KIAA1328: variants seen among roughly 807,000 people sequenced by gnomAD.
The protein encoded by KIAA1328 is protein hinderin.
Under a neutral mutation model 68.1 loss-of-function variants are expected in KIAA1328, and 52 were observed. That is an observed-to-expected ratio of 0.76 (90% CI 0.61 to 0.96). The LOEUF (loss-of-function observed/expected upper bound fraction) is 0.96, where lower values mean the gene tolerates loss of function less well. Ranked by LOEUF, KIAA1328 falls within the 40% of genes least tolerant of loss-of-function variation. The pLI is 0.00. For missense variants in KIAA1328, 641 were observed against 677.6 expected, an observed-to-expected ratio of 0.95 and a Z score of 0.60; for synonymous variants, 232 against 239.4, an observed-to-expected ratio of 0.97 and a Z score of 0.28.
intron 4 of KIAA1328, among the ~76,000 whole-genome samples, chr18:36,864,243 T>G (rs922229261): frequency 2.0e-5 from 3 of 152,180 alleles, no homozygotes; most frequent in African/African-American, 7.2e-5. Flanking sequence ...TAGATTACAT[T>G]GATTGATTTT....
At chr18:36,930,805 A>G (rs2050282888) in intron 5 of KIAA1328, among the ~76,000 whole-genome samples, 1 of 152,056 alleles carries the variant, frequency 6.6e-6, no homozygotes, top group Non-Finnish European at 1.5e-5. Context: ...GATAAAAGTA[A>G]TGTCCACTCA....
chr18:36,865,124 A>G (rs2047704872), intron 4 of KIAA1328, among the ~76,000 whole-genome samples: 1 of 148,516 alleles, frequency 6.7e-6, no homozygotes, highest in African/African-American at 2.5e-5. Flanking sequence ...TTTATGTCTT[A>G]TAGTAGGAAC....
At position 37,223,818 on chromosome 18, in the gene KIAA1328, T is replaced by A. The variant is rs28639668; in HGVS notation, c.*1591T>A. 0.014 allele frequency: 14,269 copies of A among 985,224 alleles called. 1,569 individuals are homozygous for A. In the African/African-American group the frequency reaches 0.23, roughly 16 times the overall value. 61.0% of individuals were successfully genotyped at this position (985,224 alleles called of 1,614,324 possible). On this transcript the variant is annotated 3_prime_UTR_variant, in exon 10 of 10. Coordinates refer to ENST00000280020, the MANE Select transcript of KIAA1328 (RefSeq NM_020776.3). ...GCTGTCACCTCCACCCAGCCTTCTT[T>A]CACTTGGGGTTTTTTATTCTTTGGA...
At chr18:36,992,753 C>A (rs1435259966) in intron 6 of KIAA1328, among the ~76,000 whole-genome samples, 1 of 152,106 alleles carries the variant, frequency 6.6e-6, no homozygotes. Context: ...GATGAATGTT[C>A]CTGGCAGAGG....
intron 5 of KIAA1328, among the ~76,000 whole-genome samples, chr18:36,900,239 G>A (rs936019336): frequency 6.6e-6 from 1 of 151,868 alleles, no homozygotes; most frequent in African/African-American, 2.4e-5. Context: ...TTACATAAAG[G>A]TTAGCCCTTC....
At chr18:37,062,730 C>G (rs949462865) in intron 6 of KIAA1328, among the ~76,000 whole-genome samples, 1 of 152,156 alleles carries the variant, frequency 6.6e-6, no homozygotes, top group African/African-American at 2.4e-5. Context: ...GCTGGGATTA[C>G]AGGCGTGAGC....
intron 6 of KIAA1328, among the ~76,000 whole-genome samples, chr18:37,026,015 C>A (rs529970811): frequency 6.6e-6 from 1 of 151,892 alleles, no homozygotes; most frequent in African/African-American, 2.4e-5. Flanking sequence ...ATCCAATAGA[C>A]GCAATAAAAA....
At chr18:36,975,445 G>C (rs1390463723) in intron 6 of KIAA1328, among the ~76,000 whole-genome samples, 1 of 152,134 alleles carries the variant, frequency 6.6e-6, no homozygotes, top group African/African-American at 2.4e-5. Flanking sequence ...GCCTCCCAAA[G>C]TGCTGGGATT....
chr18:36,948,883 T>C (rs2151216368), intron 5 of KIAA1328, among the ~76,000 whole-genome samples: 1 of 152,308 alleles, frequency 6.6e-6, no homozygotes, highest in East Asian at 1.9e-4. Flanking sequence ...TTTCTCGTGT[T>C]TGGAGCTGGT....
intron 8 of KIAA1328, among the ~76,000 whole-genome samples, chr18:37,172,531 T>G (rs1016111743): frequency 1.3e-5 from 2 of 152,156 alleles, no homozygotes; most frequent in Non-Finnish European, 2.9e-5. Context: ...CAATGTTGAG[T>G]TCTCTAAAAG....
intron 7 of KIAA1328, among the ~76,000 whole-genome samples, chr18:37,141,712 C>T (rs1289130625): frequency 6.6e-6 from 1 of 152,186 alleles, no homozygotes; most frequent in East Asian, 1.9e-4. Context: ...CTCAGCAAAG[C>T]AGCAGAATTC....
At chr18:37,056,590 C>T (rs1001800527) in intron 6 of KIAA1328, among the ~76,000 whole-genome samples, 8 of 152,110 alleles carry the variant, frequency 5.3e-5, no homozygotes, top group Admixed American at 2.6e-4. Context: ...TGTTAGAAGT[C>T]GCCCTTGATG....
chr18:37,119,691 C>T (rs140371393), intron 7 of KIAA1328, among the ~76,000 whole-genome samples: 37 of 152,082 alleles, frequency 2.4e-4, no homozygotes, highest in African/African-American at 8.2e-4. Context: ...GATGGGGAGC[C>T]CACAATTTAG....
Position 37,079,483 on chromosome 18 carries a change from T to TAATAA in KIAA1328, c.1232+11951_1232+11955dup, listed in dbSNP as rs544405058. Among the ~76,000 whole-genome samples the TAATAA allele has an allele frequency of 6.4e-4, 96 of 149,984 alleles. 1 individual carries two copies. Among genetic ancestry groups the TAATAA allele is most frequent in the African/African-American group, 2.0e-3 (81 of 40,618 alleles). The stretch of plus-strand genomic sequence containing the variant: ...TACCCTAAAACTTAAAGTATAATAA[T>TAATAA]AATAAAATAAAATAAAAATAAAAAT... On this transcript the variant is annotated intron_variant, in intron 7 of 9. Coordinates refer to ENST00000280020, the MANE Select transcript of KIAA1328 (RefSeq NM_020776.3).
chr18:37,087,771 A>G (rs1398883921), intron 7 of KIAA1328, among the ~76,000 whole-genome samples: 1 of 152,196 alleles, frequency 6.6e-6, no homozygotes, highest in Non-Finnish European at 1.5e-5. Context: ...GGATAGAAGC[A>G]TTATTTAACT....
intron 4 of KIAA1328, among the ~76,000 whole-genome samples, chr18:36,868,763 C>G (rs2047842213): frequency 1.3e-5 from 2 of 152,188 alleles, no homozygotes; most frequent in Non-Finnish European, 2.9e-5. Flanking sequence ...TACTTGGGCA[C>G]TAACTCATTT....
chr18:36,835,309 C>G lies in KIAA1328; in HGVS notation c.170C>G (p.Ser57Cys). Residue 57 changes from serine (S) to cysteine (C), a missense_variant, in exon 3 of 10, where the codon TCC becomes TGC. By Grantham distance (112) the Ser-to-Cys change is moderately radical. Coordinates refer to ENST00000280020, the MANE Select transcript of KIAA1328 (RefSeq NM_020776.3). ...SPKADVKLKT[S>C]RVTDASISME... ...AAAGCTGATGTTAAACTTAAGACTT[C>G]CAGGGTGACTGATGCTTCAATCTCC... 6.2e-7 allele frequency: 1 copy of G among 1,613,684 alleles called. No homozygotes were observed. The highest frequency in any genetic ancestry group is 2.2e-5 in the East Asian group (1 of 44,848).
At chr18:37,079,834 C>T (rs919652816) in intron 7 of KIAA1328, among the ~76,000 whole-genome samples, 1 of 147,802 alleles carries the variant, frequency 6.8e-6, no homozygotes, top group East Asian at 2.0e-4. Flanking sequence ...TTGCAGTGAG[C>T]TGAGATTGGG....
chr18:37,047,468 C>T (rs1385876433), intron 6 of KIAA1328, among the ~76,000 whole-genome samples: 2 of 152,158 alleles, frequency 1.3e-5, no homozygotes, highest in Non-Finnish European at 2.9e-5. Flanking sequence ...ATTTTGGCTG[C>T]ATCTATTTGC....
Sources: allele counts gnomAD v4.1 joint callset (sites outside exome capture counted in the v4.1 genomes callset), GRCh38; gene constraint gnomAD v4.1.1; transcripts MANE v1.5; gene names NCBI Gene and HGNC (gene_info 2026-07-23, HGNC 2026-07-21).